RAVER2: variants seen among roughly 807,000 people sequenced by gnomAD.
The protein encoded by RAVER2 is ribonucleoprotein, PTB binding 2, also known as ribonucleoprotein PTB-binding 2.
In RAVER2, 46 loss-of-function variants were observed where a neutral mutation model predicts 78.1. The ratio of observed to expected loss-of-function variants is 0.59; its 90% CI spans 0.46 to 0.75. RAVER2 has a LOEUF of 0.75. Ranked by LOEUF, RAVER2 falls within the 30% of genes least tolerant of loss-of-function variation. The pLI, the probability that RAVER2 is intolerant of heterozygous loss-of-function variation, is 0.00. For missense variants in RAVER2, 793 were observed against 837.5 expected, an observed-to-expected ratio of 0.95 and a Z score of 0.66; for synonymous variants, 311 against 313.3, an observed-to-expected ratio of 0.99 and a Z score of 0.08.
At chr1:64,819,757 C>T (rs1653837889) in intron 11 of RAVER2, among the ~76,000 whole-genome samples, 1 of 152,126 alleles carries the variant, frequency 6.6e-6, no homozygotes, top group Non-Finnish European at 1.5e-5. Context: ...AAACAATGCA[C>T]GTTGTCTTGA....
chr1:64,806,311 TG>T (rs1653417309), intron 8 of RAVER2, among the ~76,000 whole-genome samples: 1 of 152,154 alleles, frequency 6.6e-6, no homozygotes, highest in Non-Finnish European at 1.5e-5. Flanking sequence ...CTCAGGAGGC[TG>T]GGGTGGGAGA....
At chr1:64,790,875 T>C (rs1652920092) in intron 5 of RAVER2, among the ~76,000 whole-genome samples, 1 of 152,200 alleles carries the variant, frequency 6.6e-6, no homozygotes, top group Non-Finnish European at 1.5e-5. Flanking sequence ...ACTAACTACC[T>C]GGAGTTAGCA....
At chr1:64,747,900 A>C (rs1366412987) in intron 1 of RAVER2, among the ~76,000 whole-genome samples, 1 of 152,202 alleles carries the variant, frequency 6.6e-6, no homozygotes, top group Non-Finnish European at 1.5e-5. Context: ...GTCTCTAGAA[A>C]ATACTGATCA....
intron 4 of RAVER2, among the ~76,000 whole-genome samples, chr1:64,788,735 T>TG (rs1023456859): frequency 6.8e-6 from 1 of 146,318 alleles, no homozygotes; most frequent in African/African-American, 2.6e-5. Flanking sequence ...GAGCTTGCAG[T>TG]GAGTCGAGAT....
Position 64,745,278 on chromosome 1 carries a change from G to T in RAVER2, c.106G>T (p.Glu36Ter). The stretch of plus-strand genomic sequence containing the variant: ...GCTGCGCGGGCAGGGCCCCTCAGCC[G>T]AAGCGCACGAGGGCGCCCCGGACCC... The change falls in exon 1 of 12, where the codon GAA becomes TAA. Residue 36 changes from glutamate (E) to a stop codon, truncating the protein, a stop_gained. Transcript: ENST00000294428. LOFTEE classifies it high-confidence loss of function. The surrounding 1 kb of genome is among the most constrained non-coding windows in gnomAD (Gnocchi z 4.3). 1 of 1,404,936 alleles carries T rather than the reference G, an allele frequency of 7.1e-7. No individual in the cohort carries two copies. The highest frequency in any genetic ancestry group is 9.3e-7 in the Non-Finnish European group (1 of 1,072,668). The allele number at this position is 1,404,936 out of a possible 1,614,324, so 87.0% of individuals were successfully genotyped here. A position where few individuals can be genotyped will look rare whatever the true frequency, so the allele number is the denominator to read the frequency against.
intron 1 of RAVER2, among the ~76,000 whole-genome samples, chr1:64,749,217 T>G (rs1651626966): frequency 6.6e-6 from 1 of 152,052 alleles, no homozygotes; most frequent in Admixed American, 6.6e-5. Context: ...TTTGTTTGTT[T>G]GTTTGTTTTT....
exon 12 of RAVER2, chr1:64,831,187 G>C (rs747764018): frequency 1.9e-5 from 8 of 421,310 alleles, no homozygotes; most frequent in Admixed American, 1.6e-4. Context: ...TTTTCCACTA[G>C]AGTCAGATGC....
At position 64,745,122 on chromosome 1, in the gene RAVER2, C is replaced by G; in HGVS notation, c.-51C>G. 2 of 1,017,922 alleles carry G rather than the reference C, an allele frequency of 2.0e-6. No individual in the cohort carries two copies. Among genetic ancestry groups the G allele is most frequent in the Non-Finnish European group, 2.3e-6 (2 of 852,262 alleles). 63.1% of individuals were successfully genotyped at this position (1,017,922 alleles called of 1,614,324 possible). A position where few individuals can be genotyped will look rare whatever the true frequency, so the allele number is the denominator to read the frequency against. Reference sequence around the variant, plus strand: ...CGGGCCTCCTCCCGCTTTCTCTCTCCGCTTCCCCTGGAGCCTCCGAGGAGT... The same window carrying G: ...CGGGCCTCCTCCCGCTTTCTCTCTCGGCTTCCCCTGGAGCCTCCGAGGAGT... On this transcript the variant is annotated 5_prime_UTR_variant, in exon 1 of 12. Transcript: ENST00000294428. This position sits in a 1 kb window ranked among gnomAD's most constrained non-coding sequence, Gnocchi z 4.3.
At chr1:64,816,840 A>G (rs1368970781) in intron 11 of RAVER2, among the ~76,000 whole-genome samples, 1 of 152,232 alleles carries the variant, frequency 6.6e-6, no homozygotes. Flanking sequence ...GCACATAGGC[A>G]TGGGCAAGGA....
At chr1:64,775,802 T>TGAGGTCAGGAGTC (rs1372815005) in intron 2 of RAVER2, among the ~76,000 whole-genome samples, 12 of 152,148 alleles carry the variant, frequency 7.9e-5, no homozygotes, top group African/African-American at 2.9e-4. Flanking sequence ...GTGGATCACT[T>TGAGGTCAGGAGTC]GAGGTCAGGA....
chr1:64,803,824 T>TTA (rs2100872721), intron 6 of RAVER2, among the ~76,000 whole-genome samples: 1 of 152,290 alleles, frequency 6.6e-6, no homozygotes, highest in African/African-American at 2.4e-5. Flanking sequence ...AATGTAACAT[T>TTA]TAAAGTCTAT....
At position 64,807,308 on chromosome 1, in the gene RAVER2, GTAA is replaced by G. The variant is rs769480151; in HGVS notation, c.1517_1519del (p.Asn506del). Reference sequence around the variant, plus strand: ...GCTGGACAGGCTGGGCCAGGGCACAGTAATACTCAGGAGAAACAGCCAGCCACG... The same window carrying G: ...GCTGGACAGGCTGGGCCAGGGCACAGTACTCAGGAGAAACAGCCAGCCACG... On this transcript the variant is annotated inframe_deletion, in exon 9 of 12. Coordinates refer to ENST00000294428, the Ensembl canonical transcript of RAVER2. The G allele has an allele frequency of 6.2e-6, 10 of 1,614,038 alleles. No individual in the cohort carries two copies. The African/African-American group carries it at 1.2e-4, about 19-fold the overall frequency.
chr1:64,830,675 A>G (rs777034608), intron 11 of RAVER2, among the ~76,000 whole-genome samples, 164 bp from the exon 12 acceptor site: 3 of 152,222 alleles, frequency 2.0e-5, no homozygotes, highest in South Asian at 4.1e-4. Context: ...AGAAATTTAA[A>G]AGTCTTATTT....
intron 2 of RAVER2, among the ~76,000 whole-genome samples, chr1:64,772,716 G>T (rs534685350): frequency 2.0e-5 from 3 of 152,218 alleles, no homozygotes; most frequent in African/African-American, 7.2e-5. Flanking sequence ...ATAGGCAAGG[G>T]AATTAAATGT....
At chr1:64,819,093 A>G (rs555469348) in intron 11 of RAVER2, among the ~76,000 whole-genome samples, 1 of 152,302 alleles carries the variant, frequency 6.6e-6, no homozygotes, top group African/African-American at 2.4e-5. Context: ...ATAGTAATCA[A>G]TATGTCCAGT....
chr1:64,745,458 G>T lies in RAVER2; in HGVS notation c.249+37G>T. The T allele has an allele frequency of 6.7e-7, 1 of 1,483,100 alleles. No individual in the cohort carries two copies. The highest frequency in any genetic ancestry group is 1.2e-5 in the South Asian group (1 of 82,234). The allele number at this position is 1,483,100 out of a possible 1,614,324, so 91.9% of individuals were successfully genotyped here. A position where few individuals can be genotyped will look rare whatever the true frequency, so the allele number is the denominator to read the frequency against. ...GTGATAGGGGCGACGCGTCCCGAGG[G>T]GCGGCGGGGCGGCGCTCCGTGTCCA... On this transcript the variant is annotated intron_variant, in intron 1 of 11. Transcript: ENST00000294428. This position sits in a 1 kb window ranked among gnomAD's most constrained non-coding sequence, Gnocchi z 4.3.
intron 4 of RAVER2, among the ~76,000 whole-genome samples, chr1:64,786,851 A>T (rs1312756428): frequency 2.0e-5 from 3 of 152,130 alleles, no homozygotes; most frequent in African/African-American, 7.2e-5. Context: ...TATTTAACCT[A>T]TCTGTTAAAG....
chr1:64,745,220 G>T lies in RAVER2; in HGVS notation c.48G>T (p.Leu16=), dbSNP rs1651489085. Reference sequence around the variant, plus strand: ...GCGGCGGCGAGGGGGGCGCGGGCCTGGGCAGCGCGGCGGGGCTGGGGCCGG... The same window carrying T: ...GCGGCGGCGAGGGGGGCGCGGGCCTTGGCAGCGCGGCGGGGCTGGGGCCGG... The change falls in exon 1 of 12, where the codon CTG becomes CTT. Residue 16 remains leucine, a synonymous_variant. Transcript: ENST00000294428. The surrounding 1 kb of genome is among the most constrained non-coding windows in gnomAD (Gnocchi z 4.3). 2.8e-6 allele frequency: 3 copies of T among 1,083,416 alleles called. No individual in the cohort carries two copies. Among genetic ancestry groups the T allele is most frequent in the Non-Finnish European group, 3.4e-6 (3 of 893,578 alleles). The allele number at this position is 1,083,416 out of a possible 1,614,324, so 67.1% of individuals were successfully genotyped here.
Position 64,745,307 on chromosome 1 carries a change from G to T in RAVER2, c.135G>T (p.Met45Ile). The T allele has an allele frequency of 6.6e-7, 1 of 1,507,038 alleles. No individual in the cohort carries two copies. Among genetic ancestry groups the T allele is most frequent in the South Asian group, 1.2e-5 (1 of 81,742 alleles). 93.4% of individuals were successfully genotyped at this position (1,507,038 alleles called of 1,614,324 possible). A position where few individuals can be genotyped will look rare whatever the true frequency, so the allele number is the denominator to read the frequency against. The change falls in exon 1 of 12, where the codon ATG (methionine) becomes ATT (isoleucine). Residue 45 changes from methionine (M) to isoleucine (I), a missense_variant. Coordinates refer to ENST00000294428, the Ensembl canonical transcript of RAVER2. The surrounding 1 kb of genome is among the most constrained non-coding windows in gnomAD (Gnocchi z 4.3). ...CGCACGAGGGCGCCCCGGACCCGAT[G>T]CCCGCCGCGCTGCACCCTGAGGAGG...
Sources: gnomAD v4.1 joint callset for allele counts (sites outside exome capture counted in the v4.1 genomes callset) on GRCh38, gnomAD v4.1.1 for gene constraint, Gnocchi (gnomAD v3.1) non-coding constraint, MANE v1.5 for transcripts, NCBI Gene and HGNC (gene_info 2026-07-23, HGNC 2026-07-21) for gene names.